ANK3: variants seen among roughly 807,000 people sequenced by gnomAD.
The protein encoded by ANK3 is ankyrin-3.
In ANK3, 57 loss-of-function variants were observed where a neutral mutation model predicts 370.9. The observed-to-expected ratio is 0.15, with a 90% CI of 0.12 to 0.19. The LOEUF (loss-of-function observed/expected upper bound fraction) is 0.19, where lower values mean the gene tolerates loss of function less well. Ranked by LOEUF, ANK3 falls within the 10% of genes least tolerant of loss-of-function variation. The pLI is 1.00. For missense variants in ANK3, 4,439 were observed against 5,302.1 expected (o/e 0.84, Z 5.06); for synonymous variants, 1,929 against 1,946.3 (o/e 0.99, Z 0.23).
At chr10:60,323,805 G>T (rs2049189205) in intron 1 of ANK3, among the ~76,000 whole-genome samples, 1 of 152,164 alleles carries the variant, frequency 6.6e-6, no homozygotes, top group African/African-American at 2.4e-5. Flanking sequence ...TGTCCTAGAA[G>T]TGAAGTGAAG....
In ANK3 at chr10:60,325,833, C is replaced by T. The variant is rs577745786; in HGVS notation, c.115-46194G>A. On this transcript the variant is annotated intron_variant, in intron 1 of 43. Coordinates refer to ENST00000280772, the MANE Select transcript of ANK3 (RefSeq NM_020987.5). ...TTTTATAAAGACACATGCACACATA[C>T]GTTCTTTGCAGCACCAGTCACAATA... 5.9e-5 allele frequency among the ~76,000 whole-genome samples: 9 copies of T among 152,244 alleles called. No individual in the cohort carries two copies. The South Asian group carries it at 1.2e-3, about 21-fold the overall frequency.
At chr10:60,182,459 T>C (rs1443012407) in intron 17 of ANK3, among the ~76,000 whole-genome samples, 1 of 152,230 alleles carries the variant, frequency 6.6e-6, no homozygotes, top group African/African-American at 2.4e-5. Flanking sequence ...CCTCTTTAAA[T>C]TGTAAAGCAT....
chr10:60,390,751 CACACACACACACACAA>C (rs1241169370), upstream of ANK3, among the ~76,000 whole-genome samples: 1 of 93,480 alleles, frequency 1.1e-5, no homozygotes, highest in Non-Finnish European at 2.3e-5. Context: ...CACACACACA[CACACACACACACACAA>C]ACAACAATTT....
chr10:60,658,194 C>A (rs1367738521), intron 1 of ANK3, among the ~76,000 whole-genome samples: 1 of 151,538 alleles, frequency 6.6e-6, no homozygotes, highest in Admixed American at 6.6e-5. Context: ...ATATAAGTAT[C>A]CATGTGACTA....
chr10:60,220,317 G>A (rs1376894678), intron 8 of ANK3, among the ~76,000 whole-genome samples: 2 of 152,026 alleles, frequency 1.3e-5, no homozygotes, highest in East Asian at 1.9e-4. Context: ...CTAAGGCCCC[G>A]AACCATCTGA....
chr10:60,508,345 C>T (rs960085689), intron 2 of ANK3: 5 of 152,552 alleles, frequency 3.3e-5, no homozygotes, highest in African/African-American at 4.8e-5. Context: ...TCATTATTTC[C>T]GCTTTGCAGG....
At chr10:60,102,141 G>C (rs983959111) in intron 28 of ANK3, among the ~76,000 whole-genome samples, 7 of 149,960 alleles carry the variant, frequency 4.7e-5, no homozygotes, top group African/African-American at 1.7e-4. Flanking sequence ...CCCACTTGGG[G>C]TGTATACAAC....
Position 60,069,428 on chromosome 10 carries a change from G to C in ANK3, c.11453C>G (p.Thr3818Arg). 1 of 1,613,964 alleles carries C rather than the reference G, an allele frequency of 6.2e-7. No individual in the cohort carries two copies. Among genetic ancestry groups the C allele is most frequent in the South Asian group, 1.1e-5 (1 of 91,054 alleles). ...LTEHSAPTCT[T>R]EKDNPVKVSS... ...GACTTTCACTGGGTTATCTTTCTCT[G>C]TGGTACAAGTGGGTGCAGAATGTTC... is the stretch of plus-strand genomic sequence containing the variant. Residue 3818 changes from threonine to arginine, a missense_variant, in exon 37 of 44, where the codon ACA becomes AGA. Physicochemically the swap from Thr to Arg is moderately conservative, Grantham distance 71. This residue lies in a region of ANK3 where 496 missense variants were observed against 529.3 expected (regional missense o/e 0.94). Coordinates refer to ENST00000280772, the MANE Select transcript of ANK3 (RefSeq NM_020987.5).
At chr10:60,173,795 AT>A (rs2095854076) in intron 18 of ANK3, among the ~76,000 whole-genome samples, 1 of 152,154 alleles carries the variant, frequency 6.6e-6, no homozygotes, top group South Asian at 2.1e-4. Flanking sequence ...TGATTCACTG[AT>A]TTAGACAAGA....
At chr10:60,649,619 T>C (rs1317462356) in intron 1 of ANK3, among the ~76,000 whole-genome samples, 3 of 152,198 alleles carry the variant, frequency 2.0e-5, no homozygotes, top group Non-Finnish European at 4.4e-5. Context: ...GCGGTTGTTT[T>C]CTCTAAGGCA....
At chr10:60,064,338 C>T in intron 38 of ANK3, 50 bp from the exon 39 acceptor site, 1 of 1,513,384 alleles carries the variant, frequency 6.6e-7, no homozygotes, top group South Asian at 1.3e-5. Flanking sequence ...ACTTTTATCA[C>T]ACGTTTCATA....
chr10:60,224,949 T>A (rs1224380689), intron 8 of ANK3, among the ~76,000 whole-genome samples: 1 of 151,814 alleles, frequency 6.6e-6, no homozygotes, highest in Non-Finnish European at 1.5e-5. Flanking sequence ...AAAGTCTTGT[T>A]GTCACCCAGG....
At chr10:60,732,724 CTCTGAAGGTAACTTTCAGAG>C (rs1217945393) in intron 1 of ANK3, among the ~76,000 whole-genome samples, 3 of 152,056 alleles carry the variant, frequency 2.0e-5, no homozygotes, top group South Asian at 2.1e-4. Context: ...AAACGCCTAA[CTCTGAAGGTAACTTTCAGAG>C]TCTGAAGGTA....
At chr10:60,427,888 A>T (rs2063925398) in intron 2 of ANK3, among the ~76,000 whole-genome samples, 1 of 152,162 alleles carries the variant, frequency 6.6e-6, no homozygotes, top group East Asian at 1.9e-4. Flanking sequence ...AGATTACTCA[A>T]GTATCTGAGA....
intron 21 of ANK3, among the ~76,000 whole-genome samples, chr10:60,169,369 T>G (rs1023469333): frequency 2.8e-5 from 4 of 145,418 alleles, no homozygotes; most frequent in African/African-American, 1.1e-4. Context: ...TCATAGTTTT[T>G]TTTTTTTTTT....
intron 24 of ANK3, among the ~76,000 whole-genome samples, chr10:60,135,259 A>G (rs1042189003): frequency 6.6e-6 from 1 of 152,226 alleles, no homozygotes. Flanking sequence ...TCTTCCAGGA[A>G]CTGAGAGGAT....
At chr10:60,380,130 A>G (rs1420319805) in intron 1 of ANK3, among the ~76,000 whole-genome samples, 2 of 152,216 alleles carry the variant, frequency 1.3e-5, no homozygotes, top group Non-Finnish European at 2.9e-5. Context: ...TTAAGGTAGA[A>G]TACATTTCCA....
intron 2 of ANK3, among the ~76,000 whole-genome samples, chr10:60,542,941 G>A (rs1259001269): frequency 2.0e-5 from 3 of 151,936 alleles, no homozygotes; most frequent in African/African-American, 7.2e-5. Flanking sequence ...TACCCAACAT[G>A]ATTCAGCTTG....
At chr10:60,696,521 G>A (rs942209137) in intron 1 of ANK3, among the ~76,000 whole-genome samples, 11 of 151,372 alleles carry the variant, frequency 7.3e-5, no homozygotes, top group African/African-American at 2.2e-4. Context: ...CTGGCAAACC[G>A]AATCCAGCAG....
Sources: allele counts gnomAD v4.1 joint callset (sites outside exome capture counted in the v4.1 genomes callset), GRCh38; gene constraint gnomAD v4.1.1; regional missense constraint gnomAD v4.1.1; transcripts MANE v1.5; gene names NCBI Gene and HGNC (gene_info 2026-07-23, HGNC 2026-07-21).